Variants in ABCC5 observed in about 807,000 individuals in gnomAD.
The protein encoded by ABCC5 is ATP-binding cassette sub-family C member 5.
In ABCC5, 61 loss-of-function variants were observed where a neutral mutation model predicts 160.9. That is an observed-to-expected ratio of 0.38 (90% CI 0.31 to 0.47). The LOEUF (loss-of-function observed/expected upper bound fraction) is 0.47, where lower values mean the gene tolerates loss of function less well. Ranked by LOEUF, ABCC5 falls within the 20% of genes least tolerant of loss-of-function variation. The pLI, the probability that ABCC5 is intolerant of heterozygous loss-of-function variation, is 0.99. For missense variants in ABCC5, 1,308 were observed against 1,813.3 expected (o/e 0.72, Z 5.06); for synonymous variants, 666 against 700.6 (o/e 0.95, Z 0.78).
intron 26 of ABCC5, among the ~76,000 whole-genome samples, chr3:183,936,178 G>A (rs1314270945): frequency 6.6e-6 from 1 of 152,088 alleles, no homozygotes; most frequent in Non-Finnish European, 1.5e-5. Context: ...ATGCACCACA[G>A]GCACACACCG....
At chr3:184,012,411 G>A (rs775075876) in intron 2 of ABCC5, among the ~76,000 whole-genome samples, 1 of 152,064 alleles carries the variant, frequency 6.6e-6, no homozygotes, top group Non-Finnish European at 1.5e-5. Flanking sequence ...CATGTGCCAG[G>A]TACCATTTTA....
At chr3:183,938,792 C>T (rs1038346589) in intron 25 of ABCC5, among the ~76,000 whole-genome samples, 5 of 152,152 alleles carry the variant, frequency 3.3e-5, no homozygotes, top group African/African-American at 1.2e-4. Flanking sequence ...GAGACTAAGA[C>T]AAGGCCTCCT....
Position 183,971,450 on chromosome 3 carries a change from A to C in ABCC5, c.1761+113T>G, listed in dbSNP as rs376467140. ...TGGTCTAATTTGCTCTTTAGTTCAAAATCACTCCTAGCCACAAAGCACTTT... is the reference window on the plus strand; with the variant it reads ...TGGTCTAATTTGCTCTTTAGTTCAACATCACTCCTAGCCACAAAGCACTTT... On this transcript the variant is annotated intron_variant, in intron 11 of 29. Coordinates refer to ENST00000334444, the MANE Select transcript of ABCC5 (RefSeq NM_005688.4). The C allele has an allele frequency of 1.3e-5, 13 of 1,009,910 alleles. No homozygotes were observed. The African/African-American group carries it at 1.6e-4, about 13-fold the overall frequency. 62.6% of individuals were successfully genotyped at this position (1,009,910 alleles called of 1,614,324 possible).
intron 5 of ABCC5, chr3:183,984,859 C>T (rs1303931298): frequency 6.3e-7 from 1 of 1,586,024 alleles, no homozygotes; most frequent in African/African-American, 1.3e-5. Context: ...TGTTCCCACA[C>T]ACCTCGGCAC....
rs767503803 is a variant in ABCC5, at chr3:183,982,465, A to C, written c.985T>G (p.Phe329Val). The change falls in exon 7 of 30, where the codon TTT (phenylalanine) becomes GTT (valine). Residue 329 changes from phenylalanine (F) to valine (V), a missense_variant. By Grantham distance (50) the Phe-to-Val change is conservative. This residue lies in a region of ABCC5 where 1,142 missense variants were observed against 1,527.1 expected (regional missense o/e 0.75). Transcript: ENST00000334444. The surrounding 1 kb of genome is among the most constrained non-coding windows in gnomAD (Gnocchi z 5.2). ...GGCTTACTCACCATTGCTGGGTAAAAGAGGATAAAAACAGCTGATCCCAGG... is the reference window on the plus strand; with the variant it reads ...GGCTTACTCACCATTGCTGGGTAAACGAGGATAAAAACAGCTGATCCCAGG... Reference protein sequence around the residue: ...GFLGSAVFILFYPAMMFASRL... With the variant: ...GFLGSAVFILVYPAMMFASRL... 2 of 1,613,754 alleles carry C rather than the reference A, an allele frequency of 1.2e-6. No homozygotes were observed. The highest frequency in any genetic ancestry group is 1.7e-6 in the Non-Finnish European group (2 of 1,179,872).
chr3:183,986,506 G>GGATA (rs1700209096), intron 5 of ABCC5: 1 of 152,060 alleles, frequency 6.6e-6, no homozygotes, highest in African/African-American at 2.4e-5. Flanking sequence ...AGCTGAATAC[G>GGATA]GATAGGTACC....
At chr3:183,978,891 T>C (rs2271939) in intron 8 of ABCC5, among the ~76,000 whole-genome samples, 2 of 152,336 alleles carry the variant, frequency 1.3e-5, no homozygotes, top group East Asian at 3.9e-4. Flanking sequence ...ATGATACCTT[T>C]TTCTGATTCT....
rs566708656 is a variant in ABCC5 at position 184,002,576 on chromosome 3, G to A, written c.129+11688C>T. Among the ~76,000 whole-genome samples, 13 of 152,316 alleles carry A rather than the reference G, an allele frequency of 8.5e-5. No individual in the cohort carries two copies. In the South Asian group the frequency reaches 1.7e-3, roughly 19 times the overall value. ...TCTTGCAAAAGACGCTTCTGCGGGC[G>A]CTAACGCCATCCTCAGGCCTCAGAT... is the stretch of plus-strand genomic sequence containing the variant. On this transcript the variant is annotated intron_variant, in intron 2 of 29. Coordinates refer to ENST00000334444, the MANE Select transcript of ABCC5 (RefSeq NM_005688.4).
At chr3:183,977,468 T>C in intron 10 of ABCC5, 49 bp downstream of exon 10, 2 of 1,389,576 alleles carry the variant, frequency 1.4e-6, no homozygotes, top group Non-Finnish European at 1.0e-6. Flanking sequence ...CAGCAGTTAG[T>C]TGTGTGGGGA....
At chr3:184,000,195 C>CA (rs1441310843) in intron 2 of ABCC5, among the ~76,000 whole-genome samples, 2 of 151,330 alleles carry the variant, frequency 1.3e-5, no homozygotes, top group South Asian at 2.1e-4. Context: ...CCCGCCTGTA[C>CA]AAAAAAATAC....
chr3:183,921,135 A>G lies in ABCC5; in HGVS notation c.*165T>C. On this transcript the variant is annotated 3_prime_UTR_variant, in exon 30 of 30. Transcript: ENST00000334444. This position sits in a 1 kb window ranked among gnomAD's most constrained non-coding sequence, Gnocchi z 4.1. Reference sequence around the variant, plus strand: ...ATATGGAATAAATACAATAATCAAAATATGACTCTCCCTAAAAGTGAAACA... The same window carrying G: ...ATATGGAATAAATACAATAATCAAAGTATGACTCTCCCTAAAAGTGAAACA... 1 of 501,416 alleles carries G rather than the reference A, an allele frequency of 2.0e-6. No individual in the cohort carries two copies. The highest frequency in any genetic ancestry group is 3.6e-6 in the Non-Finnish European group (1 of 275,824). 31.1% of individuals were successfully genotyped at this position (501,416 alleles called of 1,614,324 possible). A position where few individuals can be genotyped will look rare whatever the true frequency, so the allele number is the denominator to read the frequency against.
rs557263445 is a variant in ABCC5 at position 183,961,908 on chromosome 3, T to C, written c.2236-254A>G. Among the ~76,000 whole-genome samples, 17 of 152,288 alleles carry C rather than the reference T, an allele frequency of 1.1e-4. No homozygotes were observed. In the South Asian group the frequency reaches 2.5e-3, roughly 22 times the overall value. On this transcript the variant is annotated intron_variant, in intron 15 of 29. Transcript: ENST00000334444. Reference sequence around the variant, plus strand: ...GATTCTCCTGCCTCAGCCTCCCGAATAGCTGGGACTACAGGCATGCAGCAC... The same window carrying C: ...GATTCTCCTGCCTCAGCCTCCCGAACAGCTGGGACTACAGGCATGCAGCAC...
At chr3:183,995,613 A>G (rs1340025505) in intron 2 of ABCC5, among the ~76,000 whole-genome samples, 1 of 152,184 alleles carries the variant, frequency 6.6e-6, no homozygotes, top group African/African-American at 2.4e-5. Flanking sequence ...GTCTATTTCT[A>G]GACTCTATTT....
chr3:183,948,266 T>G (rs1186669560), intron 22 of ABCC5, among the ~76,000 whole-genome samples: 4 of 152,192 alleles, frequency 2.6e-5, no homozygotes, highest in African/African-American at 9.7e-5. Context: ...ATTTAGAAAA[T>G]GCAATAGAAA....
intron 27 of ABCC5, 105 bp downstream of exon 27, chr3:183,928,642 C>T (rs1712851325): frequency 2.0e-6 from 2 of 1,009,382 alleles, no homozygotes; most frequent in Admixed American, 2.0e-5. Flanking sequence ...CCTTTGTCCA[C>T]AGGCATCCTG....
At chr3:184,014,774 G>GT (rs4148558) in intron 1 of ABCC5, among the ~76,000 whole-genome samples, 147 of 148,414 alleles carry the variant, frequency 9.9e-4, no homozygotes, top group Admixed American at 2.3e-3. Context: ...AGAAAGGTTG[G>GT]TTTTTTTTTT....
intron 2 of ABCC5, among the ~76,000 whole-genome samples, chr3:183,992,736 C>T (rs561905715): frequency 6.6e-6 from 1 of 151,926 alleles, no homozygotes; most frequent in Admixed American, 6.6e-5. Context: ...TTGCAGTGAG[C>T]CAAGATAGCG....
intron 25 of ABCC5, among the ~76,000 whole-genome samples, chr3:183,939,799 G>T (rs750823873): frequency 5.3e-5 from 8 of 152,210 alleles, no homozygotes; most frequent in Non-Finnish European, 1.2e-4. Context: ...TAGAACTACA[G>T]GGTTTTAGCT....
At chr3:183,976,550 C>T (rs985987493) in intron 10 of ABCC5, among the ~76,000 whole-genome samples, 1 of 152,150 alleles carries the variant, frequency 6.6e-6, no homozygotes, top group Non-Finnish European at 1.5e-5. Flanking sequence ...CCACCACACC[C>T]AGCCAGGACT....
Sources: gnomAD v4.1 joint callset for allele counts (sites outside exome capture counted in the v4.1 genomes callset) on GRCh38, gnomAD v4.1.1 for gene constraint, gnomAD v4.1.1 regional missense constraint, Gnocchi (gnomAD v3.1) non-coding constraint, MANE v1.5 for transcripts, NCBI Gene and HGNC (gene_info 2026-07-23, HGNC 2026-07-21) for gene names.